The following UTRN variants were observed in gnomAD, a reference collection of about 807,000 sequenced individuals.
UTRN encodes the protein utrophin.
In UTRN, 283 loss-of-function variants were observed where a neutral mutation model predicts 463.9. That is an observed-to-expected ratio of 0.61 (90% CI 0.55 to 0.67). UTRN has a LOEUF of 0.67. UTRN is among the 30% of genes least tolerant of loss of function. The pLI is 0.00. For missense variants in UTRN, 3,922 were observed against 4,084.3 expected (o/e 0.96, Z 1.08); for synonymous variants, 1,442 against 1,431.5 (o/e 1.01, Z -0.17).
intron 51 of UTRN, among the ~76,000 whole-genome samples, chr6:144,619,301 G>C (rs576427303): frequency 6.6e-6 from 1 of 152,122 alleles, no homozygotes; most frequent in Non-Finnish European, 1.5e-5. Flanking sequence ...GTAAAGTACA[G>C]CTGTTTTTTA....
chr6:144,346,896 A>ATCTATCTATCTG (rs1371069919), intron 2 of UTRN, among the ~76,000 whole-genome samples: 1 of 151,794 alleles, frequency 6.6e-6, no homozygotes, highest in African/African-American at 2.4e-5. Flanking sequence ...CTATCTATCT[A>ATCTATCTATCTG]TCTATCTATC....
intron 51 of UTRN, among the ~76,000 whole-genome samples, chr6:144,590,923 T>A (rs1802999183): frequency 6.6e-6 from 1 of 151,070 alleles, no homozygotes; most frequent in African/African-American, 2.4e-5. Flanking sequence ...AGGAGTTAAA[T>A]AAGTTAATAT....
At chr6:144,636,167 A>C (rs145892405) in intron 51 of UTRN, among the ~76,000 whole-genome samples, 1 of 152,232 alleles carries the variant, frequency 6.6e-6, no homozygotes, top group African/African-American at 2.4e-5. Context: ...TTATGCTTGT[A>C]ATTAGAGAAA....
At chr6:144,664,842 G>T (rs1484479914) in intron 51 of UTRN, among the ~76,000 whole-genome samples, 1 of 151,342 alleles carries the variant, frequency 6.6e-6, no homozygotes, top group African/African-American at 2.4e-5. Context: ...CTTTGAAGAT[G>T]ATGTTATTTG....
intron 53 of UTRN, among the ~76,000 whole-genome samples, chr6:144,703,061 G>A (rs1021208869): frequency 6.6e-6 from 1 of 152,156 alleles, no homozygotes; most frequent in Non-Finnish European, 1.5e-5. Context: ...AAGTGGTGGT[G>A]AATTGGAAAA....
In UTRN at chr6:144,423,827, A is replaced by G. The variant is rs12665589; in HGVS notation, c.313-159A>G. On this transcript the variant is annotated intron_variant, in intron 5 of 74. Coordinates refer to ENST00000367545, the MANE Select transcript of UTRN (RefSeq NM_007124.3). The stretch of plus-strand genomic sequence containing the variant: ...TGTATTGATCTGTAGTATAAATAAT[A>G]CATTTTTGAGATTTAAGCTTACCTG... 0.012 allele frequency among the ~76,000 whole-genome samples: 1,813 copies of G among 152,350 alleles called. 68 individuals are homozygous for G. The East Asian group carries it at 0.14, about 12-fold the overall frequency.
rs368629316 is a variant in UTRN at position 144,748,302 on chromosome 6, T to G, written c.7996T>G (p.Ser2666Ala). 4 of 1,613,226 alleles carry G rather than the reference T, an allele frequency of 2.5e-6. No individual in the cohort carries two copies. The African/African-American group carries it at 5.3e-5, about 22-fold the overall frequency. The change falls in exon 55 of 75, where the codon TCT (serine) becomes GCT (alanine). Residue 2666 changes from serine (S) to alanine (A), a missense_variant. Around this residue, in one of 3 missense-constraint regions of UTRN, gnomAD observed 1,309 missense variants for 1,452.6 expected, o/e 0.90. Coordinates refer to ENST00000367545, the MANE Select transcript of UTRN (RefSeq NM_007124.3). Reference protein sequence around the residue: ...KIAKAMRKQSSEVKEKWESLN... With the variant: ...KIAKAMRKQSAEVKEKWESLN... The stretch of plus-strand genomic sequence containing the variant: ...TGCCAAAGCCATGCGCAAACAGTCT[T>G]CTGAAGTCAAAGAAAAATGGGAAAG...
chr6:144,386,214 CACT>C (rs1781404398), intron 2 of UTRN, among the ~76,000 whole-genome samples: 1 of 152,148 alleles, frequency 6.6e-6, no homozygotes, highest in Non-Finnish European at 1.5e-5. Flanking sequence ...GTTATCCCAG[CACT>C]TTGTGTGGTG....
At chr6:144,492,346 A>G (rs2128579835) in intron 32 of UTRN, among the ~76,000 whole-genome samples, 1 of 152,320 alleles carries the variant, frequency 6.6e-6, no homozygotes, top group African/African-American at 2.4e-5. Flanking sequence ...GCTGCAAAGG[A>G]CATGATTTCA....
chr6:144,361,944 C>T (rs1309860966), intron 2 of UTRN, among the ~76,000 whole-genome samples: 2 of 151,938 alleles, frequency 1.3e-5, no homozygotes, highest in Non-Finnish European at 2.9e-5. Context: ...CAAGTCAATT[C>T]CTGGAATTTT....
At chr6:144,817,787 G>A (rs1779214080) in intron 65 of UTRN, among the ~76,000 whole-genome samples, 1 of 152,022 alleles carries the variant, frequency 6.6e-6, no homozygotes, top group Non-Finnish European at 1.5e-5. Flanking sequence ...TGGCAATAAT[G>A]AGTTAATGCT....
At chr6:144,532,412 T>G (rs1379115037) in intron 42 of UTRN, among the ~76,000 whole-genome samples, 1 of 152,158 alleles carries the variant, frequency 6.6e-6, no homozygotes, top group Non-Finnish European at 1.5e-5. Flanking sequence ...AACATGTCCT[T>G]CTTCATATGG....
chr6:144,335,003 A>G (rs1776614628), intron 2 of UTRN, among the ~76,000 whole-genome samples: 1 of 152,266 alleles, frequency 6.6e-6, no homozygotes, highest in Admixed American at 6.5e-5. Flanking sequence ...AGACCAAATT[A>G]TATCCTGATG....
intron 53 of UTRN, among the ~76,000 whole-genome samples, chr6:144,712,727 TACA>T (rs1785867595): frequency 6.6e-6 from 1 of 152,318 alleles, no homozygotes; most frequent in Admixed American, 6.5e-5. Context: ...AGTGCTGTAA[TACA>T]GGCATGGACA....
chr6:144,426,786 T>C (rs1785331756), intron 7 of UTRN, among the ~76,000 whole-genome samples: 1 of 152,236 alleles, frequency 6.6e-6, no homozygotes, highest in South Asian at 2.1e-4. Context: ...GTGTTAGCTT[T>C]TCTTCTCAAA....
intron 58 of UTRN, among the ~76,000 whole-genome samples, chr6:144,762,293 G>A (rs891709388): frequency 6.6e-6 from 1 of 152,200 alleles, no homozygotes; most frequent in Non-Finnish European, 1.5e-5. Flanking sequence ...CCCAATATTA[G>A]TTGAGTCAGA....
rs1781655916 is a variant in UTRN at position 144,388,927 on chromosome 6, A to G, written c.80-14196A>G. ...GTGAAGACCCTCTCCTGTCTGCTCT[A>G]ATGTTGCATTTTCCTGGTATGAACC... On this transcript the variant is annotated intron_variant, in intron 2 of 74. Transcript: ENST00000367545. Among the ~76,000 whole-genome samples the G allele has an allele frequency of 3.3e-5, 5 of 152,188 alleles. No individual in the cohort carries two copies. The South Asian group carries it at 1.0e-3, about 32-fold the overall frequency.
intron 2 of UTRN, among the ~76,000 whole-genome samples, chr6:144,365,459 C>G (rs1448641169): frequency 1.3e-5 from 2 of 152,174 alleles, no homozygotes; most frequent in Non-Finnish European, 2.9e-5. Flanking sequence ...GTACATAAAC[C>G]ACTTAGGATT....
chr6:144,800,844 A>G (rs1777641039), intron 64 of UTRN, among the ~76,000 whole-genome samples: 1 of 152,178 alleles, frequency 6.6e-6, no homozygotes, highest in African/African-American at 2.4e-5. Context: ...GTTGCTCAGT[A>G]AAAGGCAAGA....
Sources: gnomAD v4.1 joint callset for allele counts (sites outside exome capture counted in the v4.1 genomes callset) on GRCh38, gnomAD v4.1.1 for gene constraint, gnomAD v4.1.1 regional missense constraint, MANE v1.5 for transcripts, NCBI Gene and HGNC (gene_info 2026-07-23, HGNC 2026-07-21) for gene names.